The following ANAPC4 variants were observed in gnomAD, a reference collection of about 807,000 sequenced individuals.
The protein encoded by ANAPC4 is anaphase promoting complex subunit 4, also known as anaphase-promoting complex subunit 4.
A neutral mutation model predicts 119.8 loss-of-function variants in ANAPC4; 63 were observed. That is an observed-to-expected ratio of 0.53 (90% confidence interval 0.43 to 0.65). The LOEUF is 0.65. Ranked by LOEUF, ANAPC4 falls within the 30% of genes least tolerant of loss-of-function variation. ANAPC4 has a pLI of 0.00. For missense variants in ANAPC4, 716 were observed against 945.1 expected, an observed-to-expected ratio of 0.76 and a Z score of 3.18; for synonymous variants, 283 against 318.6, an observed-to-expected ratio of 0.89 and a Z score of 1.19.
At chr4:25,383,192 AAGGG>A in intron 3 of ANAPC4, 65 bp from the exon 4 acceptor site, 1 of 1,397,792 alleles carries the variant, frequency 7.2e-7, no homozygotes, top group South Asian at 1.8e-5. Flanking sequence ...ACTGGGCAAT[AAGGG>A]AAATACCCAT....
At chr4:25,408,535 AAATTTTTTTTT>A (rs1723392285) in intron 20 of ANAPC4, among the ~76,000 whole-genome samples, 1 of 150,194 alleles carries the variant, frequency 6.7e-6, no homozygotes, top group Non-Finnish European at 1.5e-5. Flanking sequence ...AAAAAAAAAA[AAATTTTTTTTT>A]TTTTGAGACA....
intron 9 of ANAPC4, 26 bp from the exon 10 acceptor site, chr4:25,392,312 C>T (rs1415378771): frequency 7.9e-6 from 12 of 1,516,046 alleles, no homozygotes; most frequent in African/African-American, 1.4e-5. Context: ...CTGATGATGA[C>T]TCACTTTACT....
At chr4:25,409,539 G>C (rs1464974326) in intron 20 of ANAPC4, among the ~76,000 whole-genome samples, 159 bp from the exon 21 acceptor site, 1 of 152,122 alleles carries the variant, frequency 6.6e-6, no homozygotes, top group Non-Finnish European at 1.5e-5. Flanking sequence ...ATAAAACAAA[G>C]TAACTTATTA....
At chr4:25,388,777 T>C (rs759612137) in intron 6 of ANAPC4, 34 bp downstream of exon 6, 1 of 1,604,904 alleles carries the variant, frequency 6.2e-7, no homozygotes, top group South Asian at 1.1e-5. Context: ...TCAAGTAAGA[T>C]AATCTGCTAT....
At chr4:25,397,003 A>T (rs1722687150) in intron 16 of ANAPC4, 104 bp downstream of exon 16, 1 of 1,183,798 alleles carries the variant, frequency 8.4e-7, no homozygotes. Context: ...TCAGTTTTTA[A>T]ATTTTTATCA....
chr4:25,390,869 G>C, intron 8 of ANAPC4, 42 bp from the exon 9 acceptor site: 9 of 1,459,562 alleles, frequency 6.2e-6, no homozygotes, highest in Non-Finnish European at 7.6e-6. Context: ...CTTCAACCTA[G>C]CAGTGATACT....
intron 26 of ANAPC4, 40 bp downstream of exon 26, chr4:25,415,580 G>T (rs1376035344): frequency 6.5e-7 from 1 of 1,532,788 alleles, no homozygotes; most frequent in South Asian, 1.1e-5. Flanking sequence ...GTAGATACAT[G>T]TGATATGTGT....
intron 4 of ANAPC4, among the ~76,000 whole-genome samples, chr4:25,388,059 G>C (rs531394163): frequency 6.6e-6 from 1 of 152,290 alleles, no homozygotes; most frequent in Admixed American, 6.5e-5. Context: ...AGCTCAGAAG[G>C]TGAAGGCTGC....
chr4:25,407,009 T>C, intron 19 of ANAPC4, 124 bp downstream of exon 19: 1 of 900,090 alleles, frequency 1.1e-6, no homozygotes, highest in East Asian at 2.7e-5. Flanking sequence ...TTTTTAAAAC[T>C]GTTGAACTAA....
intron 27 of ANAPC4, 54 bp from the exon 28 acceptor site, chr4:25,417,562 T>C (rs547311368): frequency 6.6e-7 from 1 of 1,515,206 alleles, no homozygotes; most frequent in Non-Finnish European, 8.8e-7. Context: ...GTAGTAAAAC[T>C]AGGGAGGATA....
At position 25,381,084 on chromosome 4, in the gene ANAPC4, A is replaced by C. The variant is rs571750169; in HGVS notation, c.235+605A>C. Among the ~76,000 whole-genome samples the C allele has an allele frequency of 6.2e-4, 94 of 152,348 alleles. 1 individual carries two copies. The South Asian group carries it at 0.018, about 29-fold the overall frequency. ...TGTATTGGAACTGTTGTACACATAC[A>C]ATCAGCACAGTAAAATGCTGTAAAC... is the stretch of plus-strand genomic sequence containing the variant. On this transcript the variant is annotated intron_variant, in intron 3 of 28. Coordinates refer to ENST00000315368, the MANE Select transcript of ANAPC4 (RefSeq NM_013367.3).
chr4:25,405,081 A>G lies in ANAPC4; in HGVS notation c.1271-492A>G, dbSNP rs986399486. ...AAAACACATAGTACTGATGAGGACAATCCTGTGAAAGGACGGAGAGAGTCA... is the reference window on the plus strand; with the variant it reads ...AAAACACATAGTACTGATGAGGACAGTCCTGTGAAAGGACGGAGAGAGTCA... On this transcript the variant is annotated intron_variant, in intron 17 of 28. Transcript: ENST00000315368. The surrounding 1 kb of genome is among the most constrained non-coding windows in gnomAD (Gnocchi z 4.6). 1.3e-5 allele frequency among the ~76,000 whole-genome samples: 2 copies of G among 151,464 alleles called. No individual in the cohort carries two copies. The highest frequency in any genetic ancestry group is 4.9e-5 in the African/African-American group (2 of 41,176).
Position 25,394,865 on chromosome 4 carries a change from T to C in ANAPC4, c.1021T>C (p.Tyr341His). ...KKLGQSIESS[Y>H]SSIQKLVISH... Reference sequence around the variant, plus strand: ...GCTTGGCCAGTCTATAGAGTCATCATACTCCAGTATACAAAAATTGGTCAT... The same window carrying C: ...GCTTGGCCAGTCTATAGAGTCATCACACTCCAGTATACAAAAATTGGTCAT... The change falls in exon 14 of 29, where the codon TAC (tyrosine) becomes CAC (histidine). Residue 341 changes from tyrosine to histidine, a missense_variant. Transcript: ENST00000315368. 6.2e-7 allele frequency: 1 copy of C among 1,613,482 alleles called. No homozygotes were observed. The highest frequency in any genetic ancestry group is 8.5e-7 in the Non-Finnish European group (1 of 1,179,812).
chr4:25,394,716 G>A lies in ANAPC4; in HGVS notation c.984+3G>A, dbSNP rs777439956. 2 of 1,604,370 alleles carry A rather than the reference G, an allele frequency of 1.2e-6. No homozygotes were observed. The highest frequency in any genetic ancestry group is 2.3e-5 in the South Asian group (2 of 88,170). On this transcript the variant is annotated splice_donor_region_variant and intron_variant, in intron 13 of 28. Transcript: ENST00000315368. ...TGATGAATCAGTTAACAGTAAAGGT[G>A]CAGTTAATGTATCTATGTATTCAAA...
At chr4:25,402,174 G>C (rs974521896) in intron 16 of ANAPC4, among the ~76,000 whole-genome samples, 1 of 152,102 alleles carries the variant, frequency 6.6e-6, no homozygotes, top group Non-Finnish European at 1.5e-5. Flanking sequence ...AGATGTTTCA[G>C]TCTTTTATTC....
intron 14 of ANAPC4, 54 bp downstream of exon 14, chr4:25,394,959 G>A: frequency 7.3e-7 from 1 of 1,377,442 alleles, no homozygotes; most frequent in Non-Finnish European, 1.0e-6. Context: ...ACCTGGCGTT[G>A]GCCTTCTTTC....
intron 16 of ANAPC4, among the ~76,000 whole-genome samples, chr4:25,399,186 G>A (rs1210716483): frequency 6.6e-6 from 1 of 152,008 alleles, no homozygotes; most frequent in Non-Finnish European, 1.5e-5. Context: ...TATTTTCTAA[G>A]AATAAAATTA....
intron 17 of ANAPC4, among the ~76,000 whole-genome samples, chr4:25,404,705 T>G (rs1723162222): frequency 6.6e-6 from 1 of 152,126 alleles, no homozygotes; most frequent in Non-Finnish European, 1.5e-5. Flanking sequence ...GAAGTGGAGA[T>G]CTACTTGTAA....
intron 27 of ANAPC4, 132 bp from the exon 28 acceptor site, chr4:25,417,484 T>C (rs1321874127): frequency 1.1e-6 from 1 of 941,408 alleles, no homozygotes; most frequent in Admixed American, 2.9e-5. Flanking sequence ...ACACAACAGT[T>C]GCTAAAATTA....
Sources: gnomAD v4.1 joint callset for allele counts (sites outside exome capture counted in the v4.1 genomes callset) on GRCh38, gnomAD v4.1.1 for gene constraint, Gnocchi (gnomAD v3.1) non-coding constraint, MANE v1.5 for transcripts, NCBI Gene and HGNC (gene_info 2026-07-23, HGNC 2026-07-21) for gene names.